Variants in SLC36A1 observed in about 807,000 individuals in gnomAD.
The protein encoded by SLC36A1 is solute carrier family 36 member 1, also known as proton-coupled amino acid transporter 1.
A neutral mutation model predicts 47.5 loss-of-function variants in SLC36A1; 30 were observed. That is an observed-to-expected ratio of 0.63 (90% CI 0.47 to 0.86). The LOEUF is 0.86. Ranked by LOEUF, SLC36A1 falls within the 40% of genes least tolerant of loss-of-function variation. SLC36A1 has a pLI of 0.00. For missense variants in SLC36A1, 517 were observed against 606.0 expected (o/e 0.85, Z 1.54); for synonymous variants, 255 against 249.7 (o/e 1.02, Z -0.20).
the SLC36A1 span, chr5:151,544,520 G>A: frequency 6.2e-7 from 1 of 1,614,086 alleles, no homozygotes; most frequent in Non-Finnish European, 8.5e-7. Flanking sequence ...TTGTAGATGA[G>A]CCGGAGTCCC....
At chr5:151,417,697 AAGC>A in the SLC36A1 span, among the ~76,000 whole-genome samples, 908 of 147,096 alleles carry the variant, frequency 6.2e-3, 14 homozygotes, top group African/African-American at 0.021. Flanking sequence ...TTTAAAAGGG[AAGC>A]AGAGCATAAA....
At chr5:151,542,393 T>C in the SLC36A1 span, 4 of 1,614,200 alleles carry the variant, frequency 2.5e-6, no homozygotes, top group African/African-American at 2.7e-5. Context: ...ACAGATCCTC[T>C]GTACTCTTCA....
At chr5:151,384,794 G>A in the SLC36A1 span, among the ~76,000 whole-genome samples, 1 of 152,128 alleles carries the variant, frequency 6.6e-6, no homozygotes, top group Non-Finnish European at 1.5e-5. Context: ...TCACTCATTA[G>A]TGCTTATTCC....
chr5:151,467,662 GT>G, intron 6 of SLC36A1, 44 bp from the exon 7 acceptor site: 1 of 1,524,548 alleles, frequency 6.6e-7, no homozygotes. Flanking sequence ...ACCGGCCTCT[GT>G]TGTTTGAGAG....
At chr5:151,356,339 C>CAAAAAAAAAAAAAAAAAAAAAAAA in the SLC36A1 span, among the ~76,000 whole-genome samples, 126 of 51,280 alleles carry the variant, frequency 2.5e-3, 6 homozygotes, top group South Asian at 6.8e-3. Flanking sequence ...CTCTGTCTCA[C>CAAAAAAAAAAAAAAAAAAAAAAAA]AAAAAAAAAA....
chr5:151,487,225 C>T (rs1012964864), intron 10 of SLC36A1, among the ~76,000 whole-genome samples: 12 of 152,272 alleles, frequency 7.9e-5, no homozygotes, highest in South Asian at 2.1e-4. Flanking sequence ...TGGGTGTATT[C>T]GGTGAAGCCT....
the SLC36A1 span, among the ~76,000 whole-genome samples, chr5:151,541,335 G>A: frequency 6.6e-6 from 1 of 152,188 alleles, no homozygotes; most frequent in Non-Finnish European, 1.5e-5. Context: ...TCCAAGAATT[G>A]ATAACATGTT....
At chr5:151,437,046 A>G (rs190138803), upstream of SLC36A1, 1 of 152,312 alleles carries the variant, frequency 6.6e-6, no homozygotes, top group Non-Finnish European at 1.5e-5. Context: ...GGTTTGCTCC[A>G]GAGCTCTTCA....
the SLC36A1 span, among the ~76,000 whole-genome samples, chr5:151,398,977 A>G: frequency 6.6e-6 from 1 of 151,152 alleles, no homozygotes; most frequent in Non-Finnish European, 1.5e-5. Context: ...AGTTCCCCAA[A>G]GATTAGCACA....
the SLC36A1 span, among the ~76,000 whole-genome samples, chr5:151,546,771 T>C: frequency 1.2e-4 from 18 of 152,024 alleles, no homozygotes; most frequent in Admixed American, 1.3e-4. Flanking sequence ...CAGGCTGGAA[T>C]GTAGTGATGT....
In SLC36A1 at chr5:151,473,711, T is replaced by C. The variant is rs1757642443; in HGVS notation, c.762T>C (p.Pro254=). Residue 254 remains proline (P), a synonymous_variant, in exon 8 of 11, where the codon CCT becomes CCC. Transcript: ENST00000243389. ...PDPSHLPLVA[P]WKTYPLFFGT... ...CCAGCCACCTCCCCTTGGTGGCCCC[T>C]TGGAAGACCTACCCTCTCTTCTTTG... is the stretch of plus-strand genomic sequence containing the variant. 1.2e-6 allele frequency: 2 copies of C among 1,614,046 alleles called. No homozygotes were observed. The highest frequency in any genetic ancestry group is 1.7e-6 in the Non-Finnish European group (2 of 1,179,914).
chr5:151,358,275 G>GTTT, the SLC36A1 span, among the ~76,000 whole-genome samples: 1 of 148,352 alleles, frequency 6.7e-6, no homozygotes, highest in African/African-American at 2.5e-5. Context: ...TTTCTTTTCT[G>GTTT]TTTTTTTTTT....
At chr5:151,388,041 C>T in the SLC36A1 span, among the ~76,000 whole-genome samples, 1 of 152,180 alleles carries the variant, frequency 6.6e-6, no homozygotes, top group African/African-American at 2.4e-5. Context: ...TTGTTTCTTG[C>T]AGGGGAAAAA....
At chr5:151,436,668 C>A (rs567099385), upstream of SLC36A1, among the ~76,000 whole-genome samples, 1 of 151,946 alleles carries the variant, frequency 6.6e-6, no homozygotes, top group Non-Finnish European at 1.5e-5. Flanking sequence ...TTGCCATAGA[C>A]CATCTCAAAT....
chr5:151,510,265 T>C, the SLC36A1 span: 1 of 1,403,606 alleles, frequency 7.1e-7, no homozygotes, highest in Non-Finnish European at 9.9e-7. Flanking sequence ...TGTGCAGCCG[T>C]TCAGTTACCA....
intron 6 of SLC36A1, 29 bp from the exon 7 acceptor site, chr5:151,467,678 T>G: frequency 6.3e-7 from 1 of 1,585,392 alleles, no homozygotes; most frequent in Non-Finnish European, 8.7e-7. Flanking sequence ...TGAGAGGTGT[T>G]TCCGTTTTCT....
At chr5:151,522,298 G>C in the SLC36A1 span, 1 of 538,692 alleles carries the variant, frequency 1.9e-6, no homozygotes, top group African/African-American at 1.9e-5. Context: ...AGAGATTGAA[G>C]GAGGGAGTTA....
the SLC36A1 span, among the ~76,000 whole-genome samples, chr5:151,411,426 C>T: frequency 6.9e-6 from 1 of 144,590 alleles, no homozygotes; most frequent in Non-Finnish European, 1.5e-5. Flanking sequence ...GGCACCTGAC[C>T]TGAGCTGAAC....
the SLC36A1 span, chr5:151,542,324 T>C: frequency 7.4e-6 from 12 of 1,612,418 alleles, no homozygotes; most frequent in Non-Finnish European, 8.5e-6. Context: ...TGCTCAGAAA[T>C]GTCAGCATCC....
Sources: allele counts gnomAD v4.1 joint callset (sites outside exome capture counted in the v4.1 genomes callset), GRCh38; gene constraint gnomAD v4.1.1; transcripts MANE v1.5; gene names NCBI Gene and HGNC (gene_info 2026-07-23, HGNC 2026-07-21).